Variants in ITPR2 observed in about 807,000 individuals in gnomAD.
ITPR2 encodes the protein inositol 1,4,5-trisphosphate receptor type 2.
ITPR2 carries 207 observed loss-of-function variants against 317.1 expected under a neutral mutation model. The ratio of observed to expected loss-of-function variants is 0.65; its 90% CI spans 0.58 to 0.73. The LOEUF (loss-of-function observed/expected upper bound fraction) is 0.73. ITPR2 is among the 30% of genes least tolerant of loss of function. The pLI is 0.00. For missense variants in ITPR2, 2,613 were observed against 3,284.0 expected (o/e 0.80, Z 4.99); for synonymous variants, 1,156 against 1,149.1 (o/e 1.01, Z -0.12).
intron 45 of ITPR2, among the ~76,000 whole-genome samples, chr12:26,466,465 TC>T: frequency 6.6e-6 from 1 of 152,364 alleles, no homozygotes; most frequent in Admixed American, 6.5e-5. Flanking sequence ...TGGCTTTTGA[TC>T]TTGTATTCTA....
At chr12:26,635,285 G>C (rs1227900538) in intron 21 of ITPR2, among the ~76,000 whole-genome samples, 1 of 152,180 alleles carries the variant, frequency 6.6e-6, no homozygotes, top group East Asian at 1.9e-4. Flanking sequence ...AGGTGTAAGA[G>C]ATTTAACAGA....
chr12:26,391,667 C>T (rs373730256), intron 54 of ITPR2, among the ~76,000 whole-genome samples: 1 of 145,040 alleles, frequency 6.9e-6, no homozygotes, highest in African/African-American at 2.6e-5. Context: ...CAGGTTTAAG[C>T]GATTCTCCTG....
chr12:26,823,613 C>G (rs890756610), intron 1 of ITPR2, among the ~76,000 whole-genome samples: 1 of 152,128 alleles, frequency 6.6e-6, no homozygotes, highest in Admixed American at 6.5e-5. Context: ...TAAACCACAT[C>G]TCCAGGATAG....
Position 26,657,766 on chromosome 12 carries a change from G to A in ITPR2, c.2133C>T (p.His711=). The A allele has an allele frequency of 1.2e-6, 2 of 1,614,136 alleles. No individual in the cohort carries two copies. The highest frequency in any genetic ancestry group is 1.3e-5 in the African/African-American group (1 of 75,028). Residue 711 remains histidine (H), a synonymous_variant, in exon 18 of 57, where the codon CAC becomes CAT. Coordinates refer to ENST00000381340, the MANE Select transcript of ITPR2 (RefSeq NM_002223.4). ...TGCCTTCTTTTGCCTCTTGAGCAAG[G>A]TGCCTGATAGCTTTGCCATGAGGTT... ...NKEPHGKAIR[H]LAQEAKEGTK... is the part of the protein sequence containing the mutation.
At chr12:26,668,508 A>G (rs1232892378) in intron 13 of ITPR2, among the ~76,000 whole-genome samples, 2 of 152,208 alleles carry the variant, frequency 1.3e-5, no homozygotes, top group African/African-American at 4.8e-5. Context: ...AGAAGCAAGC[A>G]TAAAACTGAT....
At chr12:26,808,016 C>T (rs1419635939) in intron 1 of ITPR2, among the ~76,000 whole-genome samples, 1 of 152,180 alleles carries the variant, frequency 6.6e-6, no homozygotes, top group Admixed American at 6.5e-5. Context: ...GTACTTAACC[C>T]AAGCAGGGCC....
intron 36 of ITPR2, among the ~76,000 whole-genome samples, chr12:26,552,944 C>G (rs10506003): frequency 0.081 from 12,335 of 152,134 alleles, 1,236 homozygotes; most frequent in East Asian, 0.46. Flanking sequence ...TATTCAAAGG[C>G]CACATAATGT....
chr12:26,646,795 AT>A (rs963255484), intron 21 of ITPR2, among the ~76,000 whole-genome samples: 16 of 152,196 alleles, frequency 1.1e-4, no homozygotes, highest in African/African-American at 3.4e-4. Flanking sequence ...TCTCCATTGA[AT>A]TTTTTTTAAG....
chr12:26,578,404 T>C (rs773140104), intron 34 of ITPR2, among the ~76,000 whole-genome samples: 1 of 152,128 alleles, frequency 6.6e-6, no homozygotes, highest in Non-Finnish European at 1.5e-5. Flanking sequence ...GGCCACTTAA[T>C]AGACAAGACA....
chr12:26,668,350 G>A (rs565556601), intron 13 of ITPR2, among the ~76,000 whole-genome samples: 2 of 152,308 alleles, frequency 1.3e-5, no homozygotes, highest in South Asian at 2.1e-4. Context: ...TGGCTGTGCA[G>A]TGGTAGCAGG....
In ITPR2 at chr12:26,597,038, C is replaced by G. The variant is rs764523011; in HGVS notation, c.4099G>C (p.Asp1367His). The change falls in exon 31 of 57, where the codon GAT (aspartate) becomes CAT (histidine). Residue 1367 changes from aspartate (D) to histidine (H), a missense_variant. Physicochemically the swap from Asp to His is moderately conservative, Grantham distance 81. Around this residue, in one of 9 missense-constraint regions of ITPR2, gnomAD observed 817 missense variants for 897.6 expected, o/e 0.91. Coordinates refer to ENST00000381340, the MANE Select transcript of ITPR2 (RefSeq NM_002223.4). ...HMMCSERDRGDESGPLAYHIT... is the reference protein window; with the variant it reads ...HMMCSERDRGHESGPLAYHIT... The stretch of plus-strand genomic sequence containing the variant: ...TGGTAGGCTAAGGGGCCACTCTCAT[C>G]CCCTCGGTCTCTCTCTGAACACATC... 1.2e-6 allele frequency: 2 copies of G among 1,614,112 alleles called. No homozygotes were observed. Among genetic ancestry groups the G allele is most frequent in the South Asian group, 1.1e-5 (1 of 91,084 alleles).
chr12:26,514,560 C>T lies in ITPR2; in HGVS notation c.5074-19300G>A, dbSNP rs2136922727. Reference sequence around the variant, plus strand: ...CCAACTCTGTCTGGAAATAATAGTACATTGAGCCATCTTGGGTGACTTACA... The same window carrying T: ...CCAACTCTGTCTGGAAATAATAGTATATTGAGCCATCTTGGGTGACTTACA... On this transcript the variant is annotated intron_variant, in intron 37 of 56. Transcript: ENST00000381340. Among the ~76,000 whole-genome samples, 2 of 152,304 alleles carry T rather than the reference C, an allele frequency of 1.3e-5. 1 individual carries two copies. The highest frequency in any genetic ancestry group is 2.9e-5 in the Non-Finnish European group (2 of 68,026).
chr12:26,762,080 A>G (rs1253945127), intron 2 of ITPR2, among the ~76,000 whole-genome samples: 1 of 152,202 alleles, frequency 6.6e-6, no homozygotes, highest in African/African-American at 2.4e-5. Flanking sequence ...AAGACTGAAA[A>G]AAGCCTACAT....
In ITPR2 at chr12:26,628,166, T is replaced by A. The variant is rs776600793; in HGVS notation, c.2935-4A>T. On this transcript the variant is annotated splice_region_variant and splice_polypyrimidine_tract_variant and intron_variant, in intron 22 of 56. Coordinates refer to ENST00000381340, the MANE Select transcript of ITPR2 (RefSeq NM_002223.4). Reference sequence around the variant, plus strand: ...CCAGTCTGACACTCAGGATAAACTATAAGAAACATTAAGAACAACATAAAT... The same window carrying A: ...CCAGTCTGACACTCAGGATAAACTAAAAGAAACATTAAGAACAACATAAAT... The A allele has an allele frequency of 6.3e-7, 1 of 1,577,478 alleles. No homozygotes were observed. Among genetic ancestry groups the A allele is most frequent in the Admixed American group, 1.9e-5 (1 of 53,450 alleles).
At position 26,602,509 on chromosome 12, in the gene ITPR2, A is replaced by T. The variant is rs1946025543; in HGVS notation, c.3553-14T>A. 6.2e-7 allele frequency: 1 copy of T among 1,605,288 alleles called. No homozygotes were observed. Among genetic ancestry groups the T allele is most frequent in the South Asian group, 1.1e-5 (1 of 89,042 alleles). ...CCTGATCAAAATCTTTAAAAGGAAG[A>T]GGGAAAGCATCAAATATAATAAATA... On this transcript the variant is annotated splice_polypyrimidine_tract_variant and intron_variant, in intron 27 of 56. Transcript: ENST00000381340.
chr12:26,663,675 A>G lies in ITPR2; in HGVS notation c.1713+10T>C. The stretch of plus-strand genomic sequence containing the variant: ...TATGAAACAGTTTAAAATGGGGGCT[A>G]CCCTCTGACCTGATTTTTCCGGTAA... On this transcript the variant is annotated intron_variant, in intron 15 of 56. Coordinates refer to ENST00000381340, the MANE Select transcript of ITPR2 (RefSeq NM_002223.4). The G allele has an allele frequency of 6.2e-7, 1 of 1,600,822 alleles. No individual in the cohort carries two copies. The highest frequency in any genetic ancestry group is 8.5e-7 in the Non-Finnish European group (1 of 1,175,136).
chr12:26,371,958 G>A (rs1475706627), intron 55 of ITPR2, among the ~76,000 whole-genome samples: 1 of 152,078 alleles, frequency 6.6e-6, no homozygotes, highest in African/African-American at 2.4e-5. Context: ...AGTCATCAAT[G>A]CCTCTCCTGT....
intron 50 of ITPR2, among the ~76,000 whole-genome samples, chr12:26,417,653 G>A (rs1398719368): frequency 6.6e-6 from 1 of 152,130 alleles, no homozygotes; most frequent in Non-Finnish European, 1.5e-5. Context: ...CAGCCATGTG[G>A]AACTGTGAAT....
intron 1 of ITPR2, among the ~76,000 whole-genome samples, chr12:26,822,171 T>C (rs1419835823): frequency 6.6e-6 from 1 of 152,214 alleles, no homozygotes; most frequent in Admixed American, 6.5e-5. Context: ...GGATAATCAA[T>C]ATATAATAAA....
Sources: allele counts gnomAD v4.1 joint callset (sites outside exome capture counted in the v4.1 genomes callset), GRCh38; gene constraint gnomAD v4.1.1; regional missense constraint gnomAD v4.1.1; transcripts MANE v1.5; gene names NCBI Gene and HGNC (gene_info 2026-07-23, HGNC 2026-07-21).